Variants in SZRD1 observed in about 807,000 individuals in gnomAD.
SZRD1 encodes the protein SUZ RNA-binding domain-containing.
SZRD1 carries 7 observed loss-of-function variants against 17.6 expected under a neutral mutation model. That is an observed-to-expected ratio of 0.40 (90% CI 0.23 to 0.75). The LOEUF (loss-of-function observed/expected upper bound fraction) is 0.75. SZRD1 is among the 30% of genes least tolerant of loss of function. SZRD1 has a pLI of 0.38. For synonymous variants in SZRD1, 77 were observed against 77.9 expected, an observed-to-expected ratio of 0.99 and a Z score of 0.06; for missense variants, 178 against 201.8, an observed-to-expected ratio of 0.88 and a Z score of 0.71.
intron 1 of SZRD1, among the ~76,000 whole-genome samples, chr1:16,383,018 A>C (rs1281556885): frequency 2.0e-5 from 3 of 151,790 alleles, no homozygotes; most frequent in Admixed American, 6.6e-5. Context: ...GGTGCCCGCC[A>C]CCACGTCCGG....
Position 16,393,457 on chromosome 1 carries a change from G to C in SZRD1, c.331G>C (p.Glu111Gln), listed in dbSNP as rs1413441100. ...CCTGGGCAGCGCCAGCCCCGAGGAGGAGCAGGAGAAACCCATCCTCGACAG... is the reference window on the plus strand; with the variant it reads ...CCTGGGCAGCGCCAGCCCCGAGGAGCAGCAGGAGAAACCCATCCTCGACAG... ...RILGSASPEE[E>Q]QEKPILDRPT... Residue 111 changes from glutamate (E) to glutamine (Q), a missense_variant, in exon 3 of 4, where the codon GAG becomes CAG. Glu to Gln is a conservative substitution (Grantham distance 29). Coordinates refer to ENST00000401088, the MANE Select transcript of SZRD1 (RefSeq NM_001114600.3). This position sits in a 1 kb window ranked among gnomAD's most constrained non-coding sequence, Gnocchi z 5.6. 6.2e-7 allele frequency: 1 copy of C among 1,613,370 alleles called. No homozygotes were observed. Among genetic ancestry groups the C allele is most frequent in the Admixed American group, 1.7e-5 (1 of 59,948 alleles).
intron 1 of SZRD1, among the ~76,000 whole-genome samples, chr1:16,372,731 C>T (rs1347459892): frequency 6.6e-6 from 1 of 152,142 alleles, no homozygotes; most frequent in Non-Finnish European, 1.5e-5. Flanking sequence ...TACTTTCTAC[C>T]CCCATGAGCC....
At chr1:16,367,536 C>G (rs1473998056) in intron 1 of SZRD1, among the ~76,000 whole-genome samples, 2 of 152,250 alleles carry the variant, frequency 1.3e-5, no homozygotes, top group Non-Finnish European at 2.9e-5. Context: ...CCCACTAACG[C>G]GCGCGTCACC....
rs1374521448 is a variant in SZRD1, at chr1:16,393,304, A to T, written c.178A>T (p.Ile60Phe). ...CCTTCCCGCGGGGCCCCCTCCACAG[A>T]TCCGCATCCTCAAGAGGCCCACCAG... ...DSLPAGPPPQ[I>F]RILKRPTSNG... The change falls in exon 3 of 4, where the codon ATC becomes TTC. Residue 60 changes from isoleucine (I) to phenylalanine (F), a missense_variant. Coordinates refer to ENST00000401088, the MANE Select transcript of SZRD1 (RefSeq NM_001114600.3). This position sits in a 1 kb window ranked among gnomAD's most constrained non-coding sequence, Gnocchi z 5.6. 2.5e-6 allele frequency: 4 copies of T among 1,614,118 alleles called. No individual in the cohort carries two copies. In the East Asian group the frequency reaches 8.9e-5, roughly 36 times the overall value.
intron 1 of SZRD1, among the ~76,000 whole-genome samples, chr1:16,384,134 A>G (rs1003873920): frequency 6.6e-6 from 1 of 152,192 alleles, no homozygotes; most frequent in Non-Finnish European, 1.5e-5. Context: ...TAGTCATACC[A>G]GGCCAGGACA....
chr1:16,375,212 A>G (rs1361656242), intron 1 of SZRD1, among the ~76,000 whole-genome samples: 1 of 152,114 alleles, frequency 6.6e-6, no homozygotes, highest in East Asian at 1.9e-4. Flanking sequence ...GCTCCTACCA[A>G]GCATCCTTCT....
intron 1 of SZRD1, among the ~76,000 whole-genome samples, chr1:16,388,652 T>C (rs899237197): frequency 6.6e-6 from 1 of 151,238 alleles, no homozygotes; most frequent in African/African-American, 2.4e-5. Context: ...AATGATACAC[T>C]GTTTAACTTA....
At chr1:16,384,388 A>AAAT (rs1392036687) in intron 1 of SZRD1, among the ~76,000 whole-genome samples, 1 of 152,088 alleles carries the variant, frequency 6.6e-6, no homozygotes, top group Non-Finnish European at 1.5e-5. Flanking sequence ...AAAAAAAAAA[A>AAAT]AAAGGGAAAA....
intron 1 of SZRD1, among the ~76,000 whole-genome samples, chr1:16,378,155 T>G (rs907595724): frequency 3.3e-5 from 5 of 152,130 alleles, no homozygotes; most frequent in Non-Finnish European, 5.9e-5. Context: ...GGAGACCCTT[T>G]GAGGAGGCAC....
Position 16,395,324 on chromosome 1 carries a change from T to C in SZRD1, c.*184T>C, listed in dbSNP as rs2085293086. ...ACCCCATGCACTGTGACCTCCCCCC[T>C]TCTCCCCCTTCCCACTGTGATTGGC... On this transcript the variant is annotated 3_prime_UTR_variant, in exon 4 of 4. Coordinates refer to ENST00000401088, the MANE Select transcript of SZRD1 (RefSeq NM_001114600.3). The C allele has an allele frequency of 1.6e-6, 1 of 630,886 alleles. No homozygotes were observed. The highest frequency in any genetic ancestry group is 1.8e-5 in the African/African-American group (1 of 55,314). 39.1% of individuals were successfully genotyped at this position (630,886 alleles called of 1,614,324 possible).
At chr1:16,377,652 A>G (rs2083028082) in intron 1 of SZRD1, among the ~76,000 whole-genome samples, 1 of 151,918 alleles carries the variant, frequency 6.6e-6, no homozygotes, top group South Asian at 2.1e-4. Flanking sequence ...AGGTCAGAAG[A>G]CTGGGATTTA....
intron 1 of SZRD1, among the ~76,000 whole-genome samples, chr1:16,373,339 G>A (rs975965711): frequency 1.3e-5 from 2 of 151,820 alleles, no homozygotes; most frequent in African/African-American, 4.8e-5. Context: ...CAGCACTTTG[G>A]GAGGCTGAGG....
At position 16,393,352 on chromosome 1, in the gene SZRD1, A is replaced by G. The variant is rs755227806; in HGVS notation, c.226A>G (p.Asn76Asp). The change falls in exon 3 of 4, where the codon AAC becomes GAC. Residue 76 changes from asparagine to aspartate, a missense_variant. Asn to Asp is a conservative substitution (Grantham distance 23, BLOSUM62 1). Around this residue, in one of 3 missense-constraint regions of SZRD1, gnomAD observed 117 missense variants for 108.7 expected, o/e 1.08. Coordinates refer to ENST00000401088, the MANE Select transcript of SZRD1 (RefSeq NM_001114600.3). The surrounding 1 kb of genome is among the most constrained non-coding windows in gnomAD (Gnocchi z 5.6). ...PTSNGVVSSP[N>D]STSRPTLPVK... ...CAGCAACGGTGTGGTCAGCAGCCCC[A>G]ACTCCACCAGCAGGCCCACCCTTCC... The G allele has an allele frequency of 1.9e-6, 3 of 1,614,174 alleles. No individual in the cohort carries two copies. Among genetic ancestry groups the G allele is most frequent in the Non-Finnish European group, 2.5e-6 (3 of 1,180,026 alleles).
At chr1:16,368,409 G>A (rs2100682923) in intron 1 of SZRD1, among the ~76,000 whole-genome samples, 1 of 152,046 alleles carries the variant, frequency 6.6e-6, no homozygotes, top group Middle Eastern at 3.4e-3. Context: ...GCAGTCAGTG[G>A]GTGTATCTAG....
intron 1 of SZRD1, among the ~76,000 whole-genome samples, chr1:16,371,749 C>T (rs1450599389): frequency 6.6e-6 from 1 of 152,020 alleles, no homozygotes; most frequent in Non-Finnish European, 1.5e-5. Flanking sequence ...GCGTGAGCTG[C>T]TGCGCCTGGC....
chr1:16,385,082 C>T (rs2083166337), intron 1 of SZRD1, among the ~76,000 whole-genome samples: 1 of 152,146 alleles, frequency 6.6e-6, no homozygotes, highest in African/African-American at 2.4e-5. Flanking sequence ...TTTTCTAATT[C>T]AAAGTCCAAA....
rs1478783532 is a variant in SZRD1, at chr1:16,396,057, A to G, written c.*917A>G. The G allele has an allele frequency of 6.6e-6, 1 of 152,656 alleles. No individual in the cohort carries two copies. The highest frequency in any genetic ancestry group is 1.5e-5 in the Non-Finnish European group (1 of 68,042). The allele number at this position is 152,656 out of a possible 1,614,324, so 9.5% of individuals were successfully genotyped here. A position where few individuals can be genotyped will look rare whatever the true frequency, so the allele number is the denominator to read the frequency against. ...CCTACCAGCCAGGCTTACTACTTCT[A>G]GAAGAAAGCAGAGTGCCAGGGAGTG... On this transcript the variant is annotated 3_prime_UTR_variant, in exon 4 of 4. Coordinates refer to ENST00000401088, the MANE Select transcript of SZRD1 (RefSeq NM_001114600.3).
At chr1:16,390,203 G>A (rs367947564) in intron 1 of SZRD1, among the ~76,000 whole-genome samples, 2 of 152,224 alleles carry the variant, frequency 1.3e-5, no homozygotes, top group Admixed American at 6.5e-5. Flanking sequence ...AAGAAAGGCC[G>A]TAGGGCAGCC....
intron 1 of SZRD1, chr1:16,369,255 C>A: frequency 5.1e-6 from 3 of 583,540 alleles, no homozygotes; most frequent in South Asian, 2.4e-5. Flanking sequence ...GTAAATTATT[C>A]TTCATATATG....
Sources: allele counts gnomAD v4.1 joint callset (sites outside exome capture counted in the v4.1 genomes callset), GRCh38; gene constraint gnomAD v4.1.1; regional missense constraint gnomAD v4.1.1; non-coding constraint Gnocchi (gnomAD v3.1); transcripts MANE v1.5; gene names NCBI Gene and HGNC (gene_info 2026-07-23, HGNC 2026-07-21).